The following PTPRM variants were observed in gnomAD, a reference collection of about 807,000 sequenced individuals.
PTPRM encodes receptor-type tyrosine-protein phosphatase mu.
A neutral mutation model predicts 186.7 loss-of-function variants in PTPRM; 47 were observed. That is an observed-to-expected ratio of 0.25 (90% CI 0.20 to 0.32). PTPRM has a LOEUF of 0.32. Among genes scored for constraint, PTPRM ranks in the 10% least tolerant of loss-of-function variants. The pLI is 1.00. For missense variants in PTPRM, 1,494 were observed against 1,865.0 expected (o/e 0.80, Z 3.66); for synonymous variants, 668 against 674.9 (o/e 0.99, Z 0.16).
intron 1 of PTPRM, among the ~76,000 whole-genome samples, chr18:7,585,950 A>G (rs1269939220): frequency 6.6e-6 from 1 of 152,198 alleles, no homozygotes; most frequent in Non-Finnish European, 1.5e-5. Context: ...CCACAAAAGA[A>G]CAGCTGATAC....
At chr18:7,947,825 C>T (rs1186539028) in intron 5 of PTPRM, among the ~76,000 whole-genome samples, 5 of 152,098 alleles carry the variant, frequency 3.3e-5, no homozygotes, top group African/African-American at 1.2e-4. Context: ...CTCATCTTTC[C>T]TAAACCACCC....
At chr18:8,331,592 ATC>A (rs1346655983) in intron 22 of PTPRM, among the ~76,000 whole-genome samples, 1 of 152,246 alleles carries the variant, frequency 6.6e-6, no homozygotes, top group African/African-American at 2.4e-5. Context: ...CAAAAGACAT[ATC>A]TCTCAATAGC....
intron 1 of PTPRM, among the ~76,000 whole-genome samples, chr18:7,693,327 G>A (rs961077526): frequency 2.0e-5 from 3 of 152,116 alleles, no homozygotes; most frequent in Non-Finnish European, 4.4e-5. Flanking sequence ...CTGTTACATA[G>A]GGCTCATTTG....
intron 1 of PTPRM, among the ~76,000 whole-genome samples, chr18:7,653,246 A>G (rs922770976): frequency 1.3e-5 from 2 of 151,762 alleles, no homozygotes; most frequent in African/African-American, 4.8e-5. Flanking sequence ...TCCTGAGCTC[A>G]TGTGATCCTC....
intron 2 of PTPRM, among the ~76,000 whole-genome samples, chr18:7,809,011 C>T (rs568995208): frequency 2.0e-5 from 3 of 152,272 alleles, no homozygotes; most frequent in East Asian, 1.9e-4. Context: ...CTAAGTCAGA[C>T]GCCCTGGGAG....
intron 7 of PTPRM, among the ~76,000 whole-genome samples, chr18:8,068,899 A>G (rs913028363): frequency 2.0e-5 from 3 of 152,076 alleles, no homozygotes; most frequent in African/African-American, 7.2e-5. Flanking sequence ...GGAGATCAAG[A>G]CCATCCTGAC....
At chr18:8,157,202 T>G (rs1425063764) in intron 14 of PTPRM, among the ~76,000 whole-genome samples, 1 of 152,180 alleles carries the variant, frequency 6.6e-6, no homozygotes, top group East Asian at 1.9e-4. Context: ...TCCAAGGGCA[T>G]AATAATAGTT....
chr18:8,126,606 A>G (rs2092370451), intron 13 of PTPRM, among the ~76,000 whole-genome samples: 1 of 152,174 alleles, frequency 6.6e-6, no homozygotes, highest in Non-Finnish European at 1.5e-5. Flanking sequence ...CCCATTTCAC[A>G]TCCTAAGTCC....
chr18:8,270,179 A>G (rs2094752930), intron 19 of PTPRM: 1 of 152,118 alleles, frequency 6.6e-6, no homozygotes, highest in East Asian at 1.9e-4. Context: ...TGAAGACCGT[A>G]TATCTGATAA....
At chr18:8,280,982 A>G (rs1252721011) in intron 19 of PTPRM, among the ~76,000 whole-genome samples, 1 of 152,248 alleles carries the variant, frequency 6.6e-6, no homozygotes, top group South Asian at 2.1e-4. Context: ...ATTAATACCC[A>G]TGATAGACTT....
chr18:7,879,783 A>G (rs1296004841), intron 2 of PTPRM, among the ~76,000 whole-genome samples: 2 of 152,188 alleles, frequency 1.3e-5, no homozygotes, highest in Non-Finnish European at 2.9e-5. Flanking sequence ...CGTGAACTAA[A>G]TGGCATGATT....
rs77460666 is a variant in PTPRM at position 7,598,541 on chromosome 18, A to G, written c.73+30650A>G. Among the ~76,000 whole-genome samples, 308 of 152,350 alleles carry G rather than the reference A, an allele frequency of 2.0e-3. 1 individual carries two copies. Among genetic ancestry groups the G allele is most frequent in the African/African-American group, 6.5e-3 (271 of 41,586 alleles). On this transcript the variant is annotated intron_variant, in intron 1 of 32. Coordinates refer to ENST00000580170, the MANE Select transcript of PTPRM (RefSeq NM_001105244.2). ...AGGTACTCAGAAATTTCTAGAACCA[A>G]GTAACATTATTTTTAAAATAGTGCA...
chr18:8,093,055 A>G (rs1375195313), intron 11 of PTPRM, among the ~76,000 whole-genome samples: 1 of 152,154 alleles, frequency 6.6e-6, no homozygotes, highest in Non-Finnish European at 1.5e-5. Flanking sequence ...AACGTTTCTC[A>G]GAAATTATGG....
chr18:7,907,580 G>A (rs1402882654), intron 4 of PTPRM, among the ~76,000 whole-genome samples: 1 of 152,212 alleles, frequency 6.6e-6, no homozygotes, highest in Non-Finnish European at 1.5e-5. Flanking sequence ...GGCCTTAGGT[G>A]CAAAGCCCTG....
intron 7 of PTPRM, among the ~76,000 whole-genome samples, chr18:7,956,225 G>A (rs2053299312): frequency 6.6e-6 from 1 of 152,048 alleles, no homozygotes; most frequent in African/African-American, 2.4e-5. Context: ...AAATTGTTAT[G>A]GTGTTAGTTA....
chr18:7,914,209 C>T (rs1236138026), intron 4 of PTPRM, among the ~76,000 whole-genome samples: 2 of 152,078 alleles, frequency 1.3e-5, no homozygotes, highest in African/African-American at 4.8e-5. Flanking sequence ...TCAGAATTGA[C>T]CTTTCATTTT....
intron 2 of PTPRM, among the ~76,000 whole-genome samples, chr18:7,824,739 C>G (rs976110134): frequency 6.6e-6 from 1 of 152,132 alleles, no homozygotes; most frequent in African/African-American, 2.4e-5. Context: ...ACATGGTTTT[C>G]TTCTGGGATG....
chr18:7,684,317 T>A (rs2039547666), intron 1 of PTPRM, among the ~76,000 whole-genome samples: 1 of 151,796 alleles, frequency 6.6e-6, no homozygotes, highest in Non-Finnish European at 1.5e-5. Flanking sequence ...ATAAATAAAA[T>A]AAATGAATGA....
intron 11 of PTPRM, among the ~76,000 whole-genome samples, chr18:8,106,864 T>C (rs1419647718): frequency 6.6e-6 from 1 of 152,174 alleles, no homozygotes; most frequent in African/African-American, 2.4e-5. Flanking sequence ...AAGTCAATGC[T>C]CTCTCATCAG....
Sources: allele counts gnomAD v4.1 joint callset (sites outside exome capture counted in the v4.1 genomes callset), GRCh38; gene constraint gnomAD v4.1.1; transcripts MANE v1.5; gene names NCBI Gene and HGNC (gene_info 2026-07-23, HGNC 2026-07-21).